KCNH7: variants seen among roughly 807,000 people sequenced by gnomAD.
KCNH7 encodes potassium voltage-gated channel subfamily H member 7, also known as voltage-gated inwardly rectifying potassium channel KCNH7.
Under a neutral mutation model 120.8 loss-of-function variants are expected in KCNH7, and 49 were observed. The ratio of observed to expected loss-of-function variants is 0.41; its 90% CI spans 0.32 to 0.51. The LOEUF (loss-of-function observed/expected upper bound fraction) is 0.51, where lower values mean the gene tolerates loss of function less well. KCNH7 is among the 20% of genes least tolerant of loss of function. The pLI is 0.38. For synonymous variants in KCNH7, 547 were observed against 516.1 expected, an observed-to-expected ratio of 1.06 and a Z score of -0.81; for missense variants, 1,097 against 1,446.6, an observed-to-expected ratio of 0.76 and a Z score of 3.92.
chr2:162,551,679 G>A (rs1311856704), intron 2 of KCNH7, among the ~76,000 whole-genome samples: 9 of 152,108 alleles, frequency 5.9e-5, no homozygotes, highest in Admixed American at 5.2e-4. Context: ...TAAGCAGAAT[G>A]TATTGCACGT....
rs148759057 is a variant in KCNH7 at position 162,818,512 on chromosome 2, C to T, written c.307+18025G>A. On this transcript the variant is annotated intron_variant, in intron 2 of 15. Transcript: ENST00000332142. ...TTACAGTAATTCTTAAAATGAGGTG[C>T]CTTGAGTCTTCAAATTGTGTTCTTT... Among the ~76,000 whole-genome samples, 889 of 152,072 alleles carry T rather than the reference C, an allele frequency of 5.8e-3. 11 individuals are homozygous for T. The highest frequency in any genetic ancestry group is 0.02 in the African/African-American group (827 of 41,504).
intron 2 of KCNH7, among the ~76,000 whole-genome samples, chr2:162,610,172 G>A (rs1682918877): frequency 6.6e-6 from 1 of 152,154 alleles, no homozygotes. Flanking sequence ...CATCATATTG[G>A]GGCATTGTTC....
intron 6 of KCNH7, among the ~76,000 whole-genome samples, chr2:162,470,155 T>C (rs1689456183): frequency 6.6e-6 from 1 of 151,906 alleles, no homozygotes; most frequent in Admixed American, 6.5e-5. Flanking sequence ...GGAGTGTCTC[T>C]GCCTGGCCGC....
intron 6 of KCNH7, among the ~76,000 whole-genome samples, chr2:162,465,767 G>C (rs1354092652): frequency 6.6e-6 from 1 of 152,144 alleles, no homozygotes; most frequent in Non-Finnish European, 1.5e-5. Flanking sequence ...GGTGCATCCT[G>C]TTGTGGGGTC....
In KCNH7 at chr2:162,465,697, T is replaced by C. The variant is rs974196558; in HGVS notation, c.1129-19254A>G. ...TGAGGTTATAAGCAGAATCTGACTA[T>C]AGTTAACTGGGTATATCAATATTGT... On this transcript the variant is annotated intron_variant, in intron 6 of 15. Transcript: ENST00000332142. 6.6e-5 allele frequency among the ~76,000 whole-genome samples: 10 copies of C among 152,304 alleles called. No homozygotes were observed. The South Asian group carries it at 1.0e-3, about 16-fold the overall frequency.
intron 9 of KCNH7, among the ~76,000 whole-genome samples, chr2:162,421,494 G>A (rs1030565167): frequency 7.2e-5 from 11 of 152,040 alleles, no homozygotes; most frequent in Non-Finnish European, 1.5e-4. Flanking sequence ...TATTTCCTCA[G>A]CTACATCATG....
chr2:162,418,631 G>A (rs935294915), intron 9 of KCNH7, among the ~76,000 whole-genome samples: 1 of 152,102 alleles, frequency 6.6e-6, no homozygotes, highest in Non-Finnish European at 1.5e-5. Flanking sequence ...TTTTAAATAA[G>A]TTTAGAGAAT....
intron 2 of KCNH7, among the ~76,000 whole-genome samples, chr2:162,576,277 G>C (rs1693666899): frequency 6.6e-6 from 1 of 152,136 alleles, no homozygotes; most frequent in African/African-American, 2.4e-5. Flanking sequence ...TGATTCAAAA[G>C]ACAAGAATAA....
At chr2:162,769,217 C>A (rs143711843) in intron 2 of KCNH7, among the ~76,000 whole-genome samples, 2 of 150,818 alleles carry the variant, frequency 1.3e-5, no homozygotes, top group African/African-American at 4.9e-5. Context: ...CGCTCTCTTG[C>A]GGCCTTAAAA....
chr2:162,588,937 C>A (rs1039288390), intron 2 of KCNH7, among the ~76,000 whole-genome samples: 4 of 152,074 alleles, frequency 2.6e-5, no homozygotes, highest in Non-Finnish European at 4.4e-5. Context: ...GATCCTAGGA[C>A]TGGGTTACTA....
chr2:162,789,603 A>C (rs921440518), intron 2 of KCNH7, among the ~76,000 whole-genome samples: 16 of 152,036 alleles, frequency 1.1e-4, no homozygotes, highest in African/African-American at 3.9e-4. Flanking sequence ...ATCATAGATT[A>C]GGCCACAAAA....
intron 2 of KCNH7, chr2:162,795,848 A>G (rs912681441): frequency 2.6e-5 from 4 of 152,022 alleles, no homozygotes; most frequent in African/African-American, 9.7e-5. Context: ...CCTATAAACA[A>G]ATCTAGGAGA....
At chr2:162,773,805 A>G (rs1463735405) in intron 2 of KCNH7, among the ~76,000 whole-genome samples, 2 of 152,192 alleles carry the variant, frequency 1.3e-5, no homozygotes, top group Non-Finnish European at 2.9e-5. Flanking sequence ...TATTTCATAA[A>G]TGTTTACAAC....
In KCNH7 at chr2:162,629,323, C is replaced by A. The variant is rs114811996; in HGVS notation, c.308-92243G>T. Among the ~76,000 whole-genome samples, 696 of 152,188 alleles carry A rather than the reference C, an allele frequency of 4.6e-3. 7 individuals carry two copies. The highest frequency in any genetic ancestry group is 0.016 in the African/African-American group (666 of 41,542). ...TTCCTTTCCTGGCCATTACTTCCCC[C>A]ACCATTCCCATTGCCATTTCTTCCC... On this transcript the variant is annotated intron_variant, in intron 2 of 15. Coordinates refer to ENST00000332142, the MANE Select transcript of KCNH7 (RefSeq NM_033272.4).
intron 2 of KCNH7, among the ~76,000 whole-genome samples, chr2:162,608,412 A>C (rs1166696659): frequency 6.6e-6 from 1 of 152,168 alleles, no homozygotes; most frequent in Non-Finnish European, 1.5e-5. Context: ...AGCTGGGCAT[A>C]ATGTGGGCGC....
chr2:162,617,346 G>T (rs971138145), intron 2 of KCNH7, among the ~76,000 whole-genome samples: 1 of 152,112 alleles, frequency 6.6e-6, no homozygotes, highest in East Asian at 1.9e-4. Flanking sequence ...GGGCGTGGTG[G>T]CGGGCGCCTG....
chr2:162,627,199 A>C (rs1482142910), intron 2 of KCNH7, among the ~76,000 whole-genome samples: 1 of 152,166 alleles, frequency 6.6e-6, no homozygotes, highest in African/African-American at 2.4e-5. Flanking sequence ...ACTGCATGCT[A>C]GATTTACTTA....
intron 2 of KCNH7, among the ~76,000 whole-genome samples, chr2:162,760,409 C>G (rs951292848): frequency 9.2e-5 from 14 of 152,012 alleles, no homozygotes; most frequent in African/African-American, 3.1e-4. Flanking sequence ...ACCATGTGTG[C>G]AAGACATGTT....
intron 2 of KCNH7, among the ~76,000 whole-genome samples, chr2:162,799,627 T>C (rs569179797): frequency 6.6e-6 from 1 of 152,102 alleles, no homozygotes; most frequent in South Asian, 2.1e-4. Flanking sequence ...TAACAGTACA[T>C]ATATGATCAA....
Sources: allele counts gnomAD v4.1 joint callset (sites outside exome capture counted in the v4.1 genomes callset), GRCh38; gene constraint gnomAD v4.1.1; transcripts MANE v1.5; gene names NCBI Gene and HGNC (gene_info 2026-07-23, HGNC 2026-07-21).